The following DDX6 variants were observed in gnomAD, a reference collection of about 807,000 sequenced individuals.
DDX6 encodes probable ATP-dependent RNA helicase DDX6.
In DDX6, 7 loss-of-function variants were observed where a neutral mutation model predicts 60.6. That is an observed-to-expected ratio of 0.12 (90% CI 0.07 to 0.22). The LOEUF (loss-of-function observed/expected upper bound fraction) is 0.22, where lower values mean the gene tolerates loss of function less well. DDX6 is among the 10% of genes least tolerant of loss of function. The pLI, the probability that DDX6 is intolerant of heterozygous loss-of-function variation, is 1.00. For synonymous variants in DDX6, 207 were observed against 201.0 expected (o/e 1.03, Z -0.25); for missense variants, 270 against 589.9 (o/e 0.46, Z 5.62).
At chr11:118,777,988 T>G (rs1861761497) in intron 4 of DDX6, among the ~76,000 whole-genome samples, 2 of 150,206 alleles carry the variant, frequency 1.3e-5, no homozygotes, top group African/African-American at 4.9e-5. Flanking sequence ...GAGCTTACAT[T>G]GGCCAGATCT....
intron 9 of DDX6, among the ~76,000 whole-genome samples, chr11:118,757,576 T>C (rs1861020107): frequency 6.6e-6 from 1 of 151,128 alleles, no homozygotes. Context: ...TGTGTTTCCA[T>C]TTAAAAATAT....
rs1860618723 is a variant in DDX6 at position 118,747,942 on chromosome 11, A to G, written c.*4163T>C. 1 of 138,662 alleles carries G rather than the reference A, an allele frequency of 7.2e-6. No individual in the cohort carries two copies. Among genetic ancestry groups the G allele is most frequent in the Admixed American group, 7.3e-5 (1 of 13,658 alleles). 8.6% of individuals were successfully genotyped at this position (138,662 alleles called of 1,614,324 possible). On this transcript the variant is annotated 3_prime_UTR_variant, in exon 14 of 14. Coordinates refer to ENST00000534980, the MANE Select transcript of DDX6 (RefSeq NM_004397.6). ...CTGGAACATCTGCCAATTAAGAGAA[A>G]GCCAATTTTCCCTTCCCCCAATGTT...
At position 118,751,862 on chromosome 11, in the gene DDX6, C is replaced by A; in HGVS notation, c.*243G>T. The A allele has an allele frequency of 2.3e-6, 1 of 433,284 alleles. No homozygotes were observed. Among genetic ancestry groups the A allele is most frequent in the South Asian group, 1.7e-5 (1 of 59,454 alleles). 26.8% of individuals were successfully genotyped at this position (433,284 alleles called of 1,614,324 possible). On this transcript the variant is annotated 3_prime_UTR_variant, in exon 14 of 14. Coordinates refer to ENST00000534980, the MANE Select transcript of DDX6 (RefSeq NM_004397.6). ...TTCCCCAGAAAACATTTTTTAAAAACCAGCAGTTAGTGCAACTAATGTTCA... is the reference window on the plus strand; with the variant it reads ...TTCCCCAGAAAACATTTTTTAAAAAACAGCAGTTAGTGCAACTAATGTTCA...
At chr11:118,759,868 G>A in intron 8 of DDX6, 54 bp downstream of exon 8, 1 of 1,553,002 alleles carries the variant, frequency 6.4e-7, no homozygotes, top group East Asian at 2.3e-5. Context: ...ACAAATAAAA[G>A]CATACTCAAA....
Position 118,786,306 on chromosome 11 carries a change from G to T in DDX6, c.-55C>A. On this transcript the variant is annotated 5_prime_UTR_variant, in exon 2 of 14. Coordinates refer to ENST00000534980, the MANE Select transcript of DDX6 (RefSeq NM_004397.6). ...TTCAAAACTTTTGAAAGTCAGTAGA[G>T]AAACTGTAATAACAGTTTATTAGGC... is the stretch of plus-strand genomic sequence containing the variant. 6.8e-7 allele frequency: 1 copy of T among 1,479,980 alleles called. No homozygotes were observed. The highest frequency in any genetic ancestry group is 2.3e-5 in the East Asian group (1 of 43,820). 91.7% of individuals were successfully genotyped at this position (1,479,980 alleles called of 1,614,324 possible).
intron 2 of DDX6, among the ~76,000 whole-genome samples, chr11:118,783,275 AATTT>A (rs1200705036): frequency 6.6e-6 from 1 of 152,104 alleles, no homozygotes; most frequent in Non-Finnish European, 1.5e-5. Context: ...CCCAAATCAG[AATTT>A]ATTTTTTATT....
At position 118,774,573 on chromosome 11, in the gene DDX6, G is replaced by A. The variant is rs1197074413; in HGVS notation, c.369+5059C>T. ...CAGCCTCAACCTCCTGAACATCTAA[G>A]ACTACATGTCCCCCATGCCCAGCTA... On this transcript the variant is annotated intron_variant, in intron 4 of 13. Coordinates refer to ENST00000534980, the MANE Select transcript of DDX6 (RefSeq NM_004397.6). Among the ~76,000 whole-genome samples, 14 of 143,534 alleles carry A rather than the reference G, an allele frequency of 9.8e-5. 1 individual carries two copies. In the Admixed American group the frequency reaches 9.9e-4, roughly 10 times the overall value. The allele number at this position is 143,534 out of a possible 152,430, so 94.2% of individuals were successfully genotyped here.
At chr11:118,757,309 T>A in intron 9 of DDX6, 22 bp from the exon 10 acceptor site, 1 of 1,339,948 alleles carries the variant, frequency 7.5e-7, no homozygotes, top group Non-Finnish European at 1.0e-6. Flanking sequence ...AAAAAATAAG[T>A]ATGAGAAAAA....
In DDX6 at chr11:118,784,122, A is replaced by G. The variant is rs1458907589; in HGVS notation, c.200+1930T>C. Among the ~76,000 whole-genome samples, 5 of 151,994 alleles carry G rather than the reference A, an allele frequency of 3.3e-5. No individual in the cohort carries two copies. The South Asian group carries it at 8.3e-4, about 25-fold the overall frequency. On this transcript the variant is annotated intron_variant, in intron 2 of 13. Coordinates refer to ENST00000534980, the MANE Select transcript of DDX6 (RefSeq NM_004397.6). ...AAAAAAAGTTATAAAAAAAATTAAA[A>G]ATAGTCTAAATTTTGCTAACCTACT... is the stretch of plus-strand genomic sequence containing the variant.
At position 118,751,728 on chromosome 11, in the gene DDX6, T is replaced by C; in HGVS notation, c.*377A>G. 3.5e-6 allele frequency: 1 copy of C among 284,314 alleles called. No individual in the cohort carries two copies. Among genetic ancestry groups the C allele is most frequent in the South Asian group, 3.1e-5 (1 of 32,420 alleles). 17.6% of individuals were successfully genotyped at this position (284,314 alleles called of 1,614,324 possible). On this transcript the variant is annotated 3_prime_UTR_variant, in exon 14 of 14. Transcript: ENST00000534980. The stretch of plus-strand genomic sequence containing the variant: ...AGGGAGAAGTTGAAATGCACGAGAG[T>C]CAGCTGTTGGAGAATTTTGAAATCA...
In DDX6 at chr11:118,753,336, CTTT is replaced by C. The variant is rs34191912; in HGVS notation, c.*8-1242_*8-1240del. Reference sequence around the variant, plus strand: ...TGAGCCACTGAGCCAGCCCAAGTGGCTTTTTTTTTTTTTTTTTTTTTGAGATGG... The same window carrying C: ...TGAGCCACTGAGCCAGCCCAAGTGGCTTTTTTTTTTTTTTTTTTGAGATGG... On this transcript the variant is annotated intron_variant, in intron 13 of 13. Transcript: ENST00000534980. 4.7e-4 allele frequency among the ~76,000 whole-genome samples: 32 copies of C among 67,400 alleles called. No individual in the cohort carries two copies. The East Asian group carries it at 5.8e-3, about 12-fold the overall frequency. 44.2% of individuals were successfully genotyped at this position (67,400 alleles called of 152,430 possible).
At chr11:118,769,344 C>G (rs1203192827) in intron 4 of DDX6, among the ~76,000 whole-genome samples, 3 of 152,138 alleles carry the variant, frequency 2.0e-5, no homozygotes, top group Non-Finnish European at 4.4e-5. Flanking sequence ...CAGCCTACTT[C>G]TCTGTTCTGT....
At chr11:118,780,114 C>CAAAAAAAAAAAAAAAAAAAA (rs71044492) in intron 3 of DDX6, among the ~76,000 whole-genome samples, 2 of 40,286 alleles carry the variant, frequency 5.0e-5, no homozygotes, top group Non-Finnish European at 8.4e-5. Context: ...GACTCTATCT[C>CAAAAAAAAAAAAAAAAAAAA]AAAAAAAAAA....
At position 118,750,575 on chromosome 11, in the gene DDX6, A is replaced by T. The variant is rs1190571418; in HGVS notation, c.*1530T>A. 6.6e-6 allele frequency: 1 copy of T among 152,216 alleles called. No individual in the cohort carries two copies. Among genetic ancestry groups the T allele is most frequent in the Non-Finnish European group, 1.5e-5 (1 of 68,042 alleles). The allele number at this position is 152,216 out of a possible 1,614,324, so 9.4% of individuals were successfully genotyped here. ...AATGATCCACAGAAAATTAAGCTCC[A>T]GAACTGCTAACATTACCAAAGCTGG... On this transcript the variant is annotated 3_prime_UTR_variant, in exon 14 of 14. Transcript: ENST00000534980.
intron 2 of DDX6, among the ~76,000 whole-genome samples, chr11:118,785,354 A>G (rs2137553601): frequency 6.6e-6 from 1 of 152,124 alleles, no homozygotes; most frequent in South Asian, 2.1e-4. Context: ...TATATGTAAA[A>G]GGAGGAAAAA....
intron 5 of DDX6, 62 bp from the exon 6 acceptor site, chr11:118,765,417 A>G (rs1428071635): frequency 6.5e-7 from 1 of 1,543,574 alleles, no homozygotes; most frequent in Non-Finnish European, 8.9e-7. Flanking sequence ...CATGCTATAC[A>G]TCATTATTTA....
At chr11:118,762,968 C>T (rs1555160575) in intron 7 of DDX6, among the ~76,000 whole-genome samples, 2 of 152,160 alleles carry the variant, frequency 1.3e-5, no homozygotes, top group African/African-American at 4.8e-5. Context: ...CACTCCTCTA[C>T]TAAAAAATTA....
At chr11:118,760,090 C>G (rs782042610) in intron 7 of DDX6, 46 bp from the exon 8 acceptor site, 2 of 1,576,914 alleles carry the variant, frequency 1.3e-6, no homozygotes, top group Non-Finnish European at 1.7e-6. Flanking sequence ...AAAATAATGT[C>G]TAAGGTCTTG....
rs540602564 is a variant in DDX6 at position 118,765,365 on chromosome 11, T to C, written c.500-10A>G. Reference sequence around the variant, plus strand: ...GGAACAATCACCATTGCTGAAACAGTATCAAGGAATATATAAGAAAATATG... The same window carrying C: ...GGAACAATCACCATTGCTGAAACAGCATCAAGGAATATATAAGAAAATATG... On this transcript the variant is annotated splice_polypyrimidine_tract_variant and intron_variant, in intron 5 of 13. Transcript: ENST00000534980. The C allele has an allele frequency of 5.0e-6, 8 of 1,613,622 alleles. No homozygotes were observed. The East Asian group carries it at 1.8e-4, about 36-fold the overall frequency.
Sources: gnomAD v4.1 joint callset for allele counts (sites outside exome capture counted in the v4.1 genomes callset) on GRCh38, gnomAD v4.1.1 for gene constraint, MANE v1.5 for transcripts, NCBI Gene and HGNC (gene_info 2026-07-23, HGNC 2026-07-21) for gene names.